SEPTIN6: variants seen among roughly 807,000 people sequenced by gnomAD.
SEPTIN6 encodes septin-6.
SEPTIN6 carries 8 observed loss-of-function variants against 33.6 expected under a neutral mutation model. The observed-to-expected ratio is 0.24, with a 90% CI of 0.14 to 0.43. The LOEUF is 0.43. SEPTIN6 is among the 20% of genes least tolerant of loss of function. The pLI, the probability that SEPTIN6 is intolerant of heterozygous loss-of-function variation, is 1.00. For missense variants in SEPTIN6, 250 were observed against 340.8 expected (o/e 0.73, Z 2.10); for synonymous variants, 131 against 140.0 (o/e 0.94, Z 0.45).
intron 1 of SEPTIN6, among the ~76,000 whole-genome samples, chrX:119,687,942 A>G (rs139203296): frequency 0.029 from 3,304 of 112,240 alleles, 123 homozygotes; most frequent in African/African-American, 0.098. Flanking sequence ...TCACATTTCC[A>G]GGATTTAGGA....
At chrX:119,638,370 C>T (rs886745781) in intron 6 of SEPTIN6, among the ~76,000 whole-genome samples, 6 of 111,761 alleles carry the variant, frequency 5.4e-5, no homozygotes, top group South Asian at 3.7e-4. Context: ...ATAGCAAAAT[C>T]GATTTCTGGC....
At chrX:119,663,352 T>C (rs113650316) in intron 3 of SEPTIN6, 130 bp downstream of exon 3, 10,276 of 530,556 alleles carry the variant, frequency 0.019, 276 homozygotes, top group East Asian at 0.12. Flanking sequence ...TACCTGCTGC[T>C]GCCCACACCA....
chrX:119,657,873 C>T (rs1239305618), intron 3 of SEPTIN6, among the ~76,000 whole-genome samples: 1 of 112,036 alleles, frequency 8.9e-6, no homozygotes, highest in African/African-American at 3.2e-5. Context: ...CGCCTGTAAT[C>T]CCAGCACTTT....
Position 119,633,069 on chromosome X carries a change from A to G in SEPTIN6, c.1089+291T>C, listed in dbSNP as rs182334987. Among the ~76,000 whole-genome samples the G allele has an allele frequency of 1.0e-3, 112 of 112,454 alleles. 1 individual carries two copies. Among genetic ancestry groups the G allele is most frequent in the African/African-American group, 3.4e-3 (104 of 30,987 alleles). On this transcript the variant is annotated intron_variant, in intron 8 of 10. Coordinates refer to ENST00000394610, the MANE Select transcript of SEPTIN6 (RefSeq NM_145799.4). ...GGTGTATATGTACCACATTTTCTTT[A>G]TCCAATCTATCATTGATGGGCATTT...
At position 119,654,812 on chromosome X, in the gene SEPTIN6, AG is replaced by A. The variant is rs1329498167; in HGVS notation, c.342-1773del. On this transcript the variant is annotated intron_variant, in intron 3 of 10. Transcript: ENST00000394610. ...GCCCCAGAGAAAACTCTAAAAACATAGTCCTTTCTTTATTCCTTTGATCCCT... is the reference window on the plus strand; with the variant it reads ...GCCCCAGAGAAAACTCTAAAAACATATCCTTTCTTTATTCCTTTGATCCCT... 5.4e-5 allele frequency among the ~76,000 whole-genome samples: 6 copies of A among 111,570 alleles called. No individual in the cohort carries two copies. The East Asian group carries it at 1.7e-3, about 31-fold the overall frequency.
chrX:119,644,150 ACT>A (rs1197738265), intron 5 of SEPTIN6, among the ~76,000 whole-genome samples: 2 of 111,232 alleles, frequency 1.8e-5, no homozygotes, highest in Non-Finnish European at 3.8e-5. Context: ...CAGGGAAGAG[ACT>A]CTGATAGATG....
intron 1 of SEPTIN6, among the ~76,000 whole-genome samples, chrX:119,690,348 TACACAC>T (rs1196119691): frequency 0.015 from 1,120 of 74,902 alleles, 7 homozygotes; most frequent in Admixed American, 0.021. Flanking sequence ...TACATACACA[TACACAC>T]ACACACACAC....
chrX:119,634,834 C>T (rs1261610688), intron 7 of SEPTIN6, among the ~76,000 whole-genome samples: 2 of 108,698 alleles, frequency 1.8e-5, no homozygotes, highest in Admixed American at 9.9e-5. Context: ...TATGGTGAAA[C>T]CCCATCTCTA....
At chrX:119,664,108 C>T (rs780470351) in intron 2 of SEPTIN6, among the ~76,000 whole-genome samples, 28 of 110,500 alleles carry the variant, frequency 2.5e-4, no homozygotes, top group Admixed American at 1.8e-3. Flanking sequence ...CTCAGCCTCC[C>T]GAGTAGCTGG....
chrX:119,653,602 A>T (rs1293705588), intron 3 of SEPTIN6, among the ~76,000 whole-genome samples: 1 of 112,091 alleles, frequency 8.9e-6, no homozygotes, highest in Non-Finnish European at 1.9e-5. Flanking sequence ...CAGTGCCTAG[A>T]TGAGAGCTGG....
intron 8 of SEPTIN6, among the ~76,000 whole-genome samples, chrX:119,631,085 A>C (rs1432056612): frequency 2.7e-5 from 3 of 110,897 alleles, no homozygotes; most frequent in African/African-American, 9.8e-5. Context: ...ACGATGAAGA[A>C]GGTTAGTTCT....
intron 3 of SEPTIN6, among the ~76,000 whole-genome samples, chrX:119,654,593 A>G (rs2054407182): frequency 1.8e-5 from 2 of 111,895 alleles, no homozygotes; most frequent in African/African-American, 6.5e-5. Context: ...CTAGTAGAGA[A>G]GGGGAAAATA....
In SEPTIN6 at chrX:119,633,496, C is replaced by T. The variant is rs763883964; in HGVS notation, c.957-4G>A. On this transcript the variant is annotated splice_region_variant and splice_polypyrimidine_tract_variant and intron_variant, in intron 7 of 10. Transcript: ENST00000394610. ...GGCCTCATATGTCTCCTGTAAACTGCGAACATGGTCAGGTTAATTCTTCTT... is the reference window on the plus strand; with the variant it reads ...GGCCTCATATGTCTCCTGTAAACTGTGAACATGGTCAGGTTAATTCTTCTT... The T allele has an allele frequency of 1.9e-5, 23 of 1,186,682 alleles. No homozygotes were observed. Among genetic ancestry groups the T allele is most frequent in the Non-Finnish European group, 2.5e-5 (22 of 884,791 alleles).
intron 2 of SEPTIN6, among the ~76,000 whole-genome samples, chrX:119,674,036 G>C (rs1248269655): frequency 9.0e-6 from 1 of 110,747 alleles, no homozygotes; most frequent in Non-Finnish European, 1.9e-5. Flanking sequence ...TACAAAAACA[G>C]ACTTTATTCT....
At position 119,658,493 on chromosome X, in the gene SEPTIN6, T is replaced by C. The variant is rs184725751; in HGVS notation, c.341+4989A>G. Among the ~76,000 whole-genome samples, 670 of 112,299 alleles carry C rather than the reference T, an allele frequency of 6.0e-3. 2 individuals carry two copies. The highest frequency in any genetic ancestry group is 0.01 in the Non-Finnish European group (559 of 53,249). ...TTTCATTCAATAACCAAAGCTACAG[T>C]GAACATGCTTTCTCTATGCTTCTCA... On this transcript the variant is annotated intron_variant, in intron 3 of 10. Transcript: ENST00000394610.
chrX:119,635,973 A>G (rs2054055107), intron 7 of SEPTIN6, among the ~76,000 whole-genome samples: 1 of 111,413 alleles, frequency 9.0e-6, no homozygotes, highest in Admixed American at 9.5e-5. Flanking sequence ...GGAGGAGGGA[A>G]GGAGACAAAA....
chrX:119,692,542 G>A (rs372032978), intron 1 of SEPTIN6, among the ~76,000 whole-genome samples: 2 of 111,686 alleles, frequency 1.8e-5, no homozygotes, highest in African/African-American at 6.5e-5. Context: ...CACAGACGCA[G>A]TCACATATGT....
At chrX:119,620,521 G>C (rs1379638732) in intron 10 of SEPTIN6, among the ~76,000 whole-genome samples, 1 of 109,573 alleles carries the variant, frequency 9.1e-6, no homozygotes, top group South Asian at 3.9e-4. Context: ...GGGTTTCACC[G>C]TGTTAGCCAG....
At chrX:119,624,153 TTTTG>T (rs1011558700) in intron 10 of SEPTIN6, 1 of 236,041 alleles carries the variant, frequency 4.2e-6, no homozygotes, top group Non-Finnish European at 7.9e-6. Context: ...GGTTTTTTTT[TTTTG>T]TTTTTTTTTT....
Sources: gnomAD v4.1 joint callset for allele counts (sites outside exome capture counted in the v4.1 genomes callset) on GRCh38, gnomAD v4.1.1 for gene constraint, MANE v1.5 for transcripts, NCBI Gene and HGNC (gene_info 2026-07-23, HGNC 2026-07-21) for gene names.